The following HTR7 variants were observed in gnomAD, a reference collection of about 807,000 sequenced individuals.
The protein encoded by HTR7 is 5-HT-7.
A neutral mutation model predicts 34.0 loss-of-function variants in HTR7; 16 were observed. The observed-to-expected ratio is 0.47, with a 90% confidence interval of 0.32 to 0.71. HTR7 has a LOEUF of 0.71. HTR7 is among the 30% of genes least tolerant of loss of function. HTR7 has a pLI of 0.04. For synonymous variants in HTR7, 265 were observed against 260.2 expected (o/e 1.02, Z -0.18); for missense variants, 504 against 625.5 (o/e 0.81, Z 2.07).
At chr10:90,768,029 A>G (rs991977457) in intron 1 of HTR7, among the ~76,000 whole-genome samples, 44 of 152,272 alleles carry the variant, frequency 2.9e-4, no homozygotes, top group African/African-American at 9.9e-4. Context: ...AAACACTTCT[A>G]TAAGTCTGGC....
rs779787523 is a variant in HTR7 at position 90,749,546 on chromosome 10, C to G, written c.588G>C (p.Gly196=). ...RPLTYPVRQN[G]KCMAKMILSV... ...AGAGAATCATCTTCGCCATGCATTTCCCATTCTGCCTCACAGGGTATGTGA... is the reference window on the plus strand; with the variant it reads ...AGAGAATCATCTTCGCCATGCATTTGCCATTCTGCCTCACAGGGTATGTGA... The change falls in exon 2 of 4, where the codon GGG becomes GGC. Residue 196 remains glycine, a synonymous_variant. Transcript: ENST00000336152. This position sits in a 1 kb window ranked among gnomAD's most constrained non-coding sequence, Gnocchi z 4.2. 5.6e-6 allele frequency: 9 copies of G among 1,613,852 alleles called. No homozygotes were observed. The African/African-American group carries it at 1.2e-4, about 22-fold the overall frequency.
At chr10:90,854,974 G>A (rs540324141) in intron 1 of HTR7, among the ~76,000 whole-genome samples, 166 of 152,238 alleles carry the variant, frequency 1.1e-3, no homozygotes, top group Admixed American at 2.3e-3. Context: ...CGGAATTGCA[G>A]AAAACATGCT....
chr10:90,835,972 C>A (rs1846246583), intron 1 of HTR7, among the ~76,000 whole-genome samples: 1 of 152,146 alleles, frequency 6.6e-6, no homozygotes, highest in African/African-American at 2.4e-5. Flanking sequence ...AAGGAAAGGG[C>A]AAGAACAACT....
Position 90,753,406 on chromosome 10 carries a change from G to C in HTR7, c.540-3812C>G, listed in dbSNP as rs1006956381. Among the ~76,000 whole-genome samples the C allele has an allele frequency of 2.6e-5, 4 of 151,806 alleles. No individual in the cohort carries two copies. In the South Asian group the frequency reaches 8.3e-4, roughly 32 times the overall value. ...GAGAGAGAGAGAGAAAGAAACTAAT[G>C]ACCAATAAGCACTTAAAAATATTCA... On this transcript the variant is annotated intron_variant, in intron 1 of 3. Coordinates refer to ENST00000336152, the MANE Select transcript of HTR7 (RefSeq NM_019859.4).
intron 1 of HTR7, among the ~76,000 whole-genome samples, chr10:90,840,771 C>T (rs572741529): frequency 2.2e-4 from 33 of 152,316 alleles, no homozygotes; most frequent in African/African-American, 7.9e-4. Context: ...ACCCAATTAA[C>T]TATCACAAAC....
chr10:90,758,791 AT>A (rs1844881682), intron 1 of HTR7, among the ~76,000 whole-genome samples: 1 of 152,184 alleles, frequency 6.6e-6, no homozygotes, highest in Admixed American at 6.5e-5. Flanking sequence ...AGAAAAAAAA[AT>A]CAGAAAATAT....
chr10:90,742,388 A>G lies in HTR7; in HGVS notation c.*94T>C. On this transcript the variant is annotated 3_prime_UTR_variant, in exon 4 of 4. Coordinates refer to ENST00000336152, the MANE Select transcript of HTR7 (RefSeq NM_019859.4). ...TGTTTTAGACATCCCAAGAAAGGAC[A>G]GAAGCTGCATTCCATTCTGCAGACT... The G allele has an allele frequency of 1.1e-6, 1 of 913,280 alleles. No homozygotes were observed. Among genetic ancestry groups the G allele is most frequent in the Non-Finnish European group, 1.7e-6 (1 of 573,154 alleles). 56.6% of individuals were successfully genotyped at this position (913,280 alleles called of 1,614,324 possible).
At chr10:90,808,758 A>C (rs891480073) in intron 1 of HTR7, among the ~76,000 whole-genome samples, 2 of 152,054 alleles carry the variant, frequency 1.3e-5, no homozygotes, top group Non-Finnish European at 2.9e-5. Context: ...TCAAAAACTT[A>C]AAACCTCTTC....
At chr10:90,764,902 T>A (rs574503214) in intron 1 of HTR7, among the ~76,000 whole-genome samples, 1 of 152,292 alleles carries the variant, frequency 6.6e-6, no homozygotes, top group East Asian at 1.9e-4. Context: ...TTTATTGATT[T>A]GCATATATTG....
intron 1 of HTR7, among the ~76,000 whole-genome samples, chr10:90,753,683 T>C (rs528951622): frequency 7.9e-5 from 12 of 151,794 alleles, no homozygotes; most frequent in African/African-American, 2.7e-4. Flanking sequence ...AAACACATAA[T>C]AGAGGAAAAA....
At chr10:90,851,436 C>T (rs572037447) in intron 1 of HTR7, among the ~76,000 whole-genome samples, 1 of 151,774 alleles carries the variant, frequency 6.6e-6, no homozygotes. Flanking sequence ...GAAACCCCGT[C>T]TCTACTAAAA....
intron 1 of HTR7, among the ~76,000 whole-genome samples, chr10:90,802,996 CTTTTTTTTTTT>C (rs35715510): frequency 1.1e-5 from 1 of 89,016 alleles, no homozygotes; most frequent in South Asian, 4.1e-4. Flanking sequence ...CATTTGTGGC[CTTTTTTTTTTT>C]TTTTTTTTTT....
At chr10:90,825,687 TAG>T (rs1846061085) in intron 1 of HTR7, among the ~76,000 whole-genome samples, 1 of 152,198 alleles carries the variant, frequency 6.6e-6, no homozygotes, top group South Asian at 2.1e-4. Flanking sequence ...AAACAAATTC[TAG>T]AGTTGAAAAA....
At chr10:90,817,043 C>T (rs924216162) in intron 1 of HTR7, among the ~76,000 whole-genome samples, 2 of 152,162 alleles carry the variant, frequency 1.3e-5, no homozygotes, top group African/African-American at 2.4e-5. Flanking sequence ...AGGGACAGGA[C>T]GGACCTGAAG....
chr10:90,768,391 T>C (rs1351945642), intron 1 of HTR7, among the ~76,000 whole-genome samples: 1 of 152,232 alleles, frequency 6.6e-6, no homozygotes, highest in Non-Finnish European at 1.5e-5. Flanking sequence ...TTCGAAGATA[T>C]ATAAGGCATA....
At chr10:90,826,952 TAATAATAATAA>T (rs1454924430) in intron 1 of HTR7, among the ~76,000 whole-genome samples, 4 of 151,126 alleles carry the variant, frequency 2.6e-5, no homozygotes, top group Non-Finnish European at 4.4e-5. Context: ...ATAAAAATAA[TAATAATAATAA>T]AATAAATAAA....
chr10:90,743,321 A>C (rs1194476629), intron 3 of HTR7, among the ~76,000 whole-genome samples: 1 of 152,140 alleles, frequency 6.6e-6, no homozygotes, highest in Non-Finnish European at 1.5e-5. Context: ...CATGGTTTCT[A>C]GCTTTTCCCC....
At chr10:90,742,881 AATG>A (rs753136537) in intron 3 of HTR7, among the ~76,000 whole-genome samples, 4 of 152,194 alleles carry the variant, frequency 2.6e-5, no homozygotes, top group Non-Finnish European at 5.9e-5. Context: ...ATGACTAAAT[AATG>A]ATTACCAATG....
At chr10:90,774,255 T>C (rs1466580896) in intron 1 of HTR7, among the ~76,000 whole-genome samples, 2 of 152,228 alleles carry the variant, frequency 1.3e-5, no homozygotes, top group Admixed American at 6.5e-5. Flanking sequence ...TCAGCACAGA[T>C]TACATGAAAA....
Sources: gnomAD v4.1 joint callset for allele counts (sites outside exome capture counted in the v4.1 genomes callset) on GRCh38, gnomAD v4.1.1 for gene constraint, Gnocchi (gnomAD v3.1) non-coding constraint, MANE v1.5 for transcripts, NCBI Gene and HGNC (gene_info 2026-07-23, HGNC 2026-07-21) for gene names.